The following RANBP9 variants were observed in gnomAD, a reference collection of about 807,000 sequenced individuals.
RANBP9 encodes the protein RAN binding protein 9, also known as ran-binding protein 9.
A neutral mutation model predicts 84.3 loss-of-function variants in RANBP9; 15 were observed. The ratio of observed to expected loss-of-function variants is 0.18; its 90% CI spans 0.12 to 0.27. The LOEUF (loss-of-function observed/expected upper bound fraction) is 0.27. Among genes scored for constraint, RANBP9 ranks in the 10% least tolerant of loss-of-function variants. The pLI, the probability that RANBP9 is intolerant of heterozygous loss-of-function variation, is 1.00. For synonymous variants in RANBP9, 392 were observed against 349.6 expected (o/e 1.12, Z -1.35); for missense variants, 809 against 912.8 (o/e 0.89, Z 1.46).
chr6:13,706,869 C>T (rs766682408), intron 1 of RANBP9, among the ~76,000 whole-genome samples: 82 of 151,302 alleles, frequency 5.4e-4, no homozygotes, highest in Non-Finnish European at 7.2e-4. Flanking sequence ...GGACGTGGTG[C>T]TAAGCGCCTG....
chr6:13,686,348 C>T (rs539744067), intron 2 of RANBP9, among the ~76,000 whole-genome samples: 5 of 151,874 alleles, frequency 3.3e-5, no homozygotes, highest in Non-Finnish European at 4.4e-5. Flanking sequence ...TGCAGCGGCG[C>T]GATCTTGGCT....
chr6:13,663,458 AAAAAT>A (rs1201259454), intron 2 of RANBP9, among the ~76,000 whole-genome samples: 2 of 152,176 alleles, frequency 1.3e-5, no homozygotes, highest in Non-Finnish European at 2.9e-5. Flanking sequence ...TCTTTAAAGC[AAAAAT>A]GGTAACATGT....
At chr6:13,674,471 T>G (rs1765844162) in intron 2 of RANBP9, among the ~76,000 whole-genome samples, 1 of 152,212 alleles carries the variant, frequency 6.6e-6, no homozygotes, top group Admixed American at 6.5e-5. Context: ...ATAACAATCC[T>G]TAATTGTCAA....
intron 2 of RANBP9, among the ~76,000 whole-genome samples, chr6:13,690,359 C>T (rs1352972974): frequency 6.6e-6 from 1 of 152,098 alleles, no homozygotes; most frequent in African/African-American, 2.4e-5. Flanking sequence ...TTCACATTTA[C>T]CCTGTGCTTC....
At chr6:13,702,438 T>C (rs1757998584) in intron 1 of RANBP9, among the ~76,000 whole-genome samples, 1 of 152,186 alleles carries the variant, frequency 6.6e-6, no homozygotes, top group South Asian at 2.1e-4. Flanking sequence ...GGCTAATCAA[T>C]TTTATTTGTT....
chr6:13,640,610 A>G (rs1246119173), intron 8 of RANBP9, among the ~76,000 whole-genome samples: 1 of 152,216 alleles, frequency 6.6e-6, no homozygotes, highest in Non-Finnish European at 1.5e-5. Context: ...ACATACTACA[A>G]TAAAGATGAA....
Position 13,632,528 on chromosome 6 carries a change from G to A in RANBP9, c.1796-7C>T, listed in dbSNP as rs1489964742. ...AACTGACTTGAATCAACTTCTGTAAGAAAAACAGACAAGTATTTTACTACC... is the reference window on the plus strand; with the variant it reads ...AACTGACTTGAATCAACTTCTGTAAAAAAAACAGACAAGTATTTTACTACC... On this transcript the variant is annotated splice_region_variant and splice_polypyrimidine_tract_variant and intron_variant, in intron 11 of 13. Transcript: ENST00000011619. The A allele has an allele frequency of 3.7e-6, 6 of 1,608,250 alleles. No individual in the cohort carries two copies. The South Asian group carries it at 6.6e-5, about 18-fold the overall frequency.
intron 4 of RANBP9, among the ~76,000 whole-genome samples, chr6:13,655,047 A>G (rs1411432003): frequency 6.6e-6 from 1 of 152,292 alleles, no homozygotes; most frequent in Non-Finnish European, 1.5e-5. Context: ...GTTACCTGGC[A>G]TAGGCCGGGA....
intron 2 of RANBP9, among the ~76,000 whole-genome samples, chr6:13,667,082 CTA>C (rs1366986309): frequency 6.6e-6 from 1 of 152,134 alleles, no homozygotes; most frequent in African/African-American, 2.4e-5. Flanking sequence ...TATTGTGGTA[CTA>C]TGTGTTTACC....
Position 13,645,981 on chromosome 6 carries a change from G to C in RANBP9, c.928-1252C>G, listed in dbSNP as rs560658576. ...TACTACTGGATTATGGAAATAAATG[G>C]TTAAAGCAAAGTATGCAAATGTATT... On this transcript the variant is annotated intron_variant, in intron 5 of 13. Transcript: ENST00000011619. 5.3e-5 allele frequency among the ~76,000 whole-genome samples: 8 copies of C among 152,222 alleles called. No individual in the cohort carries two copies. In the East Asian group the frequency reaches 1.5e-3, roughly 29 times the overall value.
chr6:13,677,324 A>G (rs1680114800), intron 2 of RANBP9, among the ~76,000 whole-genome samples: 1 of 152,204 alleles, frequency 6.6e-6, no homozygotes, highest in Admixed American at 6.5e-5. Context: ...TAAAAACTAT[A>G]AAACTGCTGA....
At chr6:13,659,267 C>T (rs962381518) in intron 2 of RANBP9, among the ~76,000 whole-genome samples, 17 of 150,114 alleles carry the variant, frequency 1.1e-4, no homozygotes, top group Non-Finnish European at 2.2e-4. Flanking sequence ...TACACACACA[C>T]ACACACACAC....
intron 2 of RANBP9, among the ~76,000 whole-genome samples, chr6:13,662,744 A>G (rs865876262): frequency 3.3e-5 from 5 of 152,228 alleles, no homozygotes; most frequent in African/African-American, 9.6e-5. Flanking sequence ...TGTTTATACA[A>G]TAAATTACCC....
intron 2 of RANBP9, among the ~76,000 whole-genome samples, chr6:13,684,499 C>T (rs920161123): frequency 6.6e-6 from 1 of 152,196 alleles, no homozygotes; most frequent in Non-Finnish European, 1.5e-5. Flanking sequence ...CTATAGTTTC[C>T]CATTTTGCAT....
chr6:13,652,102 TTG>T (rs554084021), intron 5 of RANBP9, among the ~76,000 whole-genome samples: 23 of 152,334 alleles, frequency 1.5e-4, no homozygotes, highest in Admixed American at 2.6e-4. Flanking sequence ...TTGTACAACC[TTG>T]TGTCCTACCG....
chr6:13,672,333 T>C lies in RANBP9; in HGVS notation c.684-13501A>G, dbSNP rs1765795263. ...CCACTAAAAAACCCAACAGATTTCA[T>C]CATATGATTATAGAACACTTCTCCT... On this transcript the variant is annotated intron_variant, in intron 2 of 13. Transcript: ENST00000011619. 2.0e-5 allele frequency among the ~76,000 whole-genome samples: 3 copies of C among 152,236 alleles called. No individual in the cohort carries two copies. The South Asian group carries it at 6.2e-4, about 31-fold the overall frequency.
intron 5 of RANBP9, among the ~76,000 whole-genome samples, chr6:13,651,755 C>T (rs1265986082): frequency 6.6e-6 from 1 of 152,040 alleles, no homozygotes; most frequent in Non-Finnish European, 1.5e-5. Context: ...GAAGTCCTAT[C>T]ATGACAAATA....
intron 1 of RANBP9, among the ~76,000 whole-genome samples, chr6:13,699,362 G>A (rs1244467355): frequency 6.6e-6 from 1 of 152,108 alleles, no homozygotes; most frequent in African/African-American, 2.4e-5. Context: ...TAAATTAGAT[G>A]TAAAAGGTAT....
At chr6:13,676,797 C>CT (rs1177259009) in intron 2 of RANBP9, among the ~76,000 whole-genome samples, 1 of 152,010 alleles carries the variant, frequency 6.6e-6, no homozygotes, top group African/African-American at 2.4e-5. Context: ...GAAAACGCAT[C>CT]TGACAAAATC....
Sources: allele counts gnomAD v4.1 joint callset (sites outside exome capture counted in the v4.1 genomes callset), GRCh38; gene constraint gnomAD v4.1.1; transcripts MANE v1.5; gene names NCBI Gene and HGNC (gene_info 2026-07-23, HGNC 2026-07-21).